EFS: variants seen among roughly 807,000 people sequenced by gnomAD.
EFS encodes Cas scaffolding protein family member 3.
Under a neutral mutation model 42.2 loss-of-function variants are expected in EFS, and 34 were observed. The observed-to-expected ratio is 0.81, with a 90% CI of 0.61 to 1.07. The LOEUF is 1.07. Ranked by LOEUF, EFS falls within the 50% of genes least tolerant of loss-of-function variation. The pLI is 0.00. For missense variants in EFS, 717 were observed against 729.4 expected, an observed-to-expected ratio of 0.98 and a Z score of 0.20; for synonymous variants, 299 against 320.7, an observed-to-expected ratio of 0.93 and a Z score of 0.72.
Position 23,359,606 on chromosome 14 carries a change from G to A in EFS, c.872C>T (p.Pro291Leu). The A allele has an allele frequency of 6.7e-7, 1 of 1,501,000 alleles. No individual in the cohort carries two copies. Among genetic ancestry groups the A allele is most frequent in the African/African-American group, 1.4e-5 (1 of 70,930 alleles). The allele number at this position is 1,501,000 out of a possible 1,614,324, so 93.0% of individuals were successfully genotyped here. Residue 291 changes from proline to leucine, a missense_variant, in exon 4 of 6, where the codon CCA becomes CTA. By Grantham distance (98) the Pro-to-Leu change is moderately conservative. Coordinates refer to ENST00000216733, the MANE Select transcript of EFS (RefSeq NM_005864.4). ...AGCTGAGGGGAGCCGGGGCCTGTGT[G>A]GGGGTGGGGGGCTTCTGGCCAGAAG... ...AQLLARSPPP[P>L]HRPRLPSAES...
intron 1 of EFS, among the ~76,000 whole-genome samples, chr14:23,364,215 G>A (rs1401519751): frequency 6.6e-6 from 1 of 152,238 alleles, no homozygotes; most frequent in African/African-American, 2.4e-5. Flanking sequence ...TCCTCCCGGT[G>A]TTAGGACTGA....
At position 23,359,955 on chromosome 14, in the gene EFS, G is replaced by A. The variant is rs2231805; in HGVS notation, c.523C>T (p.Arg175Trp). The A allele has an allele frequency of 0.12, 193,598 of 1,570,114 alleles. 13,597 individuals carry two copies. Among genetic ancestry groups the A allele is most frequent in the African/African-American group, 0.26 (19,384 of 73,752 alleles). The change falls in exon 4 of 6, where the codon CGG becomes TGG. Residue 175 changes from arginine (R) to tryptophan (W), a missense_variant. Coordinates refer to ENST00000216733, the MANE Select transcript of EFS (RefSeq NM_005864.4). ...CPASFSHPLT[R>W]VAPQPPGEDD... The stretch of plus-strand genomic sequence containing the variant: ...TCTCCAGGGGGCTGCGGGGCAACCC[G>A]GGTCAGAGGGTGGGAAAAGGAGGCA...
At position 23,357,643 on chromosome 14, in the gene EFS, C is replaced by A. The variant is rs905362305; in HGVS notation, c.1269G>T (p.Gly423=). 11 of 1,536,644 alleles carry A rather than the reference C, an allele frequency of 7.2e-6. No individual in the cohort carries two copies. The highest frequency in any genetic ancestry group is 9.7e-6 in the Non-Finnish European group (11 of 1,135,072). ...CTCCGGTGGACACAACCAGTGGCTC[C>A]CCTGGGGACAGGGCCTCCTGAAGGG... ...MPAPQEALSP[G]EPLVVSTGDL... Residue 423 remains glycine, a synonymous_variant, in exon 6 of 6, where the codon GGG becomes GGT. Coordinates refer to ENST00000216733, the MANE Select transcript of EFS (RefSeq NM_005864.4).
At chr14:23,359,293 G>A (rs369088752) in intron 4 of EFS, 24 bp downstream of exon 4, 62 of 1,612,026 alleles carry the variant, frequency 3.8e-5, no homozygotes, top group Non-Finnish European at 5.0e-5. Context: ...GTCCCTCCTG[G>A]TGGGGCTGCC....
chr14:23,357,244 G>A lies in EFS; in HGVS notation c.1668C>T (p.Leu556=). 2 of 1,559,958 alleles carry A rather than the reference G, an allele frequency of 1.3e-6. No individual in the cohort carries two copies. Among genetic ancestry groups the A allele is most frequent in the Non-Finnish European group, 1.7e-6 (2 of 1,145,312 alleles). Residue 556 remains leucine, a synonymous_variant, in exon 6 of 6, where the codon CTC becomes CTT. Coordinates refer to ENST00000216733, the MANE Select transcript of EFS (RefSeq NM_005864.4). The part of the protein sequence containing the change: ...AGQALQFTTL[L]TSLAP ...AGGACCTTCATGGAGCCAGGCTAGT[G>A]AGCAGGGTAGTGAATTGCAGGGCCT...
chr14:23,362,586 G>A (rs1595029531), intron 1 of EFS, among the ~76,000 whole-genome samples: 1 of 152,286 alleles, frequency 6.6e-6, no homozygotes, highest in Non-Finnish European at 1.5e-5. Flanking sequence ...ACAAAGAAAC[G>A]TGCTAACCAG....
At chr14:23,360,073 C>T in intron 3 of EFS, 34 bp from the exon 4 acceptor site, 1 of 1,614,044 alleles carries the variant, frequency 6.2e-7, no homozygotes, top group Middle Eastern at 1.6e-4. Flanking sequence ...TCTGTCAGCT[C>T]AGCGATGAAC....
intron 1 of EFS, among the ~76,000 whole-genome samples, chr14:23,362,335 A>ATT (rs1890180037): frequency 6.6e-6 from 1 of 152,204 alleles, no homozygotes; most frequent in African/African-American, 2.4e-5. Context: ...AATTCAGCAA[A>ATT]AAAATCTCAA....
chr14:23,357,221 G>A lies in EFS; in HGVS notation c.*5C>T. The A allele has an allele frequency of 6.5e-7, 1 of 1,534,446 alleles. No homozygotes were observed. The highest frequency in any genetic ancestry group is 1.3e-5 in the South Asian group (1 of 78,692). On this transcript the variant is annotated 3_prime_UTR_variant, in exon 6 of 6. Transcript: ENST00000216733. ...GGGGAGGAGCAGAGCTGTGCCAAAGGACCTTCATGGAGCCAGGCTAGTGAG... is the reference window on the plus strand; with the variant it reads ...GGGGAGGAGCAGAGCTGTGCCAAAGAACCTTCATGGAGCCAGGCTAGTGAG...
rs535021372 is a variant in EFS, at chr14:23,360,637, G to A, written c.215C>T (p.Pro72Leu). ...GGACGCAGGAGAGAGGCTGGGCTTG[G>A]GTGCTGGGCCAGCAGGCAAGAGCTT... is the stretch of plus-strand genomic sequence containing the variant. ...RVKLLPAGPA[P>L]KPSLSPASPA... Residue 72 changes from proline to leucine, a missense_variant, in exon 2 of 6, where the codon CCC becomes CTC. By Grantham distance (98) the Pro-to-Leu change is moderately conservative. Coordinates refer to ENST00000216733, the MANE Select transcript of EFS (RefSeq NM_005864.4). The A allele has an allele frequency of 1.9e-6, 3 of 1,609,982 alleles. No homozygotes were observed. In the East Asian group the frequency reaches 6.7e-5, roughly 36 times the overall value.
intron 1 of EFS, among the ~76,000 whole-genome samples, chr14:23,364,034 C>G (rs1189815577): frequency 6.6e-6 from 1 of 152,080 alleles, no homozygotes; most frequent in African/African-American, 2.4e-5. Context: ...GCTTCTCTTT[C>G]CAGTCTCTCT....
rs1348225624 is a variant in EFS, at chr14:23,356,958, T to C, written c.*268A>G. On this transcript the variant is annotated 3_prime_UTR_variant, in exon 6 of 6. Transcript: ENST00000216733. ...CTAGGCTGAGGAGAGAAGGATCTAG[T>C]TCCTCACTGCCCCAGAGCCTAGTAC... is the stretch of plus-strand genomic sequence containing the variant. 1 of 285,880 alleles carries C rather than the reference T, an allele frequency of 3.5e-6. No individual in the cohort carries two copies. Among genetic ancestry groups the C allele is most frequent in the African/African-American group, 2.2e-5 (1 of 46,128 alleles). 17.7% of individuals were successfully genotyped at this position (285,880 alleles called of 1,614,324 possible).
chr14:23,364,983 AGC>A, intron 1 of EFS, 23 bp downstream of exon 1: 1 of 1,303,400 alleles, frequency 7.7e-7, no homozygotes, highest in Non-Finnish European at 9.8e-7. Flanking sequence ...TCTCCCCGGC[AGC>A]CTCCACTCCC....
Position 23,357,508 on chromosome 14 carries a change from G to T in EFS, c.1404C>A (p.Arg468=), listed in dbSNP as rs147453957. Residue 468 remains arginine, a synonymous_variant, in exon 6 of 6, where the codon CGC becomes CGA. Transcript: ENST00000216733. The part of the protein sequence containing the change: ...MSSTQANQPP[R]LFVPHSKRVV... ...CCCTCTTGCTGTGGGGCACGAAAAG[G>T]CGCGGGGGCTGATTAGCCTGGGTAC... is the stretch of plus-strand genomic sequence containing the variant. The T allele has an allele frequency of 2.4e-4, 392 of 1,613,904 alleles. No individual in the cohort carries two copies. Among genetic ancestry groups the T allele is most frequent in the Non-Finnish European group, 3.0e-4 (354 of 1,179,996 alleles).
rs1889938343 is a variant in EFS, at chr14:23,357,123, T to C, written c.*103A>G. ...CAGAAAGGGCAGGAAAGGGGAAAGATACCCCCATTTCTCCTAGTCCCTTAA... is the reference window on the plus strand; with the variant it reads ...CAGAAAGGGCAGGAAAGGGGAAAGACACCCCCATTTCTCCTAGTCCCTTAA... On this transcript the variant is annotated 3_prime_UTR_variant, in exon 6 of 6. Coordinates refer to ENST00000216733, the MANE Select transcript of EFS (RefSeq NM_005864.4). The C allele has an allele frequency of 6.2e-6, 7 of 1,124,024 alleles. No homozygotes were observed. The highest frequency in any genetic ancestry group is 1.6e-5 in the African/African-American group (1 of 63,884). 69.6% of individuals were successfully genotyped at this position (1,124,024 alleles called of 1,614,324 possible).
chr14:23,360,504 G>A lies in EFS; in HGVS notation c.297+51C>T, dbSNP rs373635779. 1,679 of 1,517,372 alleles carry A rather than the reference G, an allele frequency of 1.1e-3. 1 individual carries two copies. Among genetic ancestry groups the A allele is most frequent in the Non-Finnish European group, 1.4e-3 (1,570 of 1,136,100 alleles). The allele number at this position is 1,517,372 out of a possible 1,614,324, so 94.0% of individuals were successfully genotyped here. The stretch of plus-strand genomic sequence containing the variant: ...TGCAGGCCCTGGGTGGGGCTAGTTG[G>A]GGAGGAATGGGGCTCTTCTGGCTTG... On this transcript the variant is annotated intron_variant, in intron 2 of 5. Transcript: ENST00000216733.
chr14:23,359,260 C>T (rs1188365588), intron 4 of EFS, 57 bp downstream of exon 4: 5 of 1,609,650 alleles, frequency 3.1e-6, no homozygotes, highest in Admixed American at 1.7e-5. Context: ...GGTCTCCACA[C>T]CCCTCCCCTT....
rs147068550 is a variant in EFS, at chr14:23,359,475, G to A, written c.1003C>T (p.Arg335Trp). Residue 335 changes from arginine (R) to tryptophan (W), a missense_variant, in exon 4 of 6, where the codon CGG becomes TGG. Coordinates refer to ENST00000216733, the MANE Select transcript of EFS (RefSeq NM_005864.4). ...APGRKGSIQD[R>W]PLPPPPPRLP... is the part of the protein sequence containing the mutation. ...CGGGGTGGGGGTGGGGGCAGAGGCC[G>A]GTCCTGGATGCTGCCCTTCCGGCCT... 1.6e-4 allele frequency: 260 copies of A among 1,591,788 alleles called. 1 individual carries two copies. In the Middle Eastern group the frequency reaches 2.9e-3, roughly 18 times the overall value.
Position 23,357,640 on chromosome 14 carries a change from CT to C in EFS, c.1271del (p.Glu424GlyfsTer34). ...GATCTCCGGTGGACACAACCAGTGG[CT>C]CCCCTGGGGACAGGGCCTCCTGAAG... ...PAPQEALSPGEPLVVSTGDLQ... is the reference protein window; with the variant it reads ...PAPQEALSPGXPLVVSTGDLQ... On this transcript the variant is annotated frameshift_variant, in exon 6 of 6. Coordinates refer to ENST00000216733, the MANE Select transcript of EFS (RefSeq NM_005864.4). LOFTEE classifies it high-confidence loss of function. 6.5e-7 allele frequency: 1 copy of C among 1,543,220 alleles called. No individual in the cohort carries two copies. The highest frequency in any genetic ancestry group is 1.4e-5 in the African/African-American group (1 of 72,926).
Sources: gnomAD v4.1 joint callset for allele counts (sites outside exome capture counted in the v4.1 genomes callset) on GRCh38, gnomAD v4.1.1 for gene constraint, MANE v1.5 for transcripts, NCBI Gene and HGNC (gene_info 2026-07-23, HGNC 2026-07-21) for gene names.